Variants in BIN3 observed in about 807,000 individuals in gnomAD.
The protein encoded by BIN3 is bridging integrator 3.
In BIN3, 41 loss-of-function variants were observed where a neutral mutation model predicts 38.2. The ratio of observed to expected loss-of-function variants is 1.07; its 90% confidence interval spans 0.84 to 1.39. The LOEUF is 1.39. Among genes scored for constraint, BIN3 ranks in the 40% most tolerant of loss-of-function variants. The pLI is 0.00. For missense variants in BIN3, 361 were observed against 324.3 expected (o/e 1.11, Z -0.87); for synonymous variants, 145 against 122.6 (o/e 1.18, Z -1.21).
Position 22,621,287 on chromosome 8 carries a change from A to T in BIN3, c.*135T>A. ...CCTGGTGCCAGGCTCAGGAAGAGTC[A>T]TTCATTGCAAAGGGCCGGCAAGTGA... On this transcript the variant is annotated 3_prime_UTR_variant, in exon 9 of 9. Coordinates refer to ENST00000276416, the MANE Select transcript of BIN3 (RefSeq NM_018688.6). 8.3e-7 allele frequency: 1 copy of T among 1,208,840 alleles called. No individual in the cohort carries two copies. The highest frequency in any genetic ancestry group is 1.1e-6 in the Non-Finnish European group (1 of 885,138). The allele number at this position is 1,208,840 out of a possible 1,614,324, so 74.9% of individuals were successfully genotyped here. A position where few individuals can be genotyped will look rare whatever the true frequency, so the allele number is the denominator to read the frequency against.
At chr8:22,655,192 G>T (rs1015318688) in intron 1 of BIN3, among the ~76,000 whole-genome samples, 3 of 152,100 alleles carry the variant, frequency 2.0e-5, no homozygotes, top group Admixed American at 6.5e-5. Context: ...CTGGGTATTA[G>T]CCCATAATCA....
intron 2 of BIN3, among the ~76,000 whole-genome samples, chr8:22,641,100 C>T (rs551758081): frequency 1.3e-5 from 2 of 152,342 alleles, no homozygotes; most frequent in East Asian, 3.9e-4. Flanking sequence ...ACACTGGAGC[C>T]TCATTCCGAG....
At chr8:22,655,473 C>G (rs1246775690) in intron 1 of BIN3, among the ~76,000 whole-genome samples, 1 of 152,176 alleles carries the variant, frequency 6.6e-6, no homozygotes, top group African/African-American at 2.4e-5. Flanking sequence ...AGGTAGGGGT[C>G]CAACTTCATT....
At chr8:22,631,751 C>T (rs1344395272) in intron 4 of BIN3, among the ~76,000 whole-genome samples, 1 of 152,172 alleles carries the variant, frequency 6.6e-6, no homozygotes, top group Non-Finnish European at 1.5e-5. Flanking sequence ...GCCGCCCACC[C>T]CTCTGTGCTC....
chr8:22,641,614 T>A (rs1802564535), intron 2 of BIN3, among the ~76,000 whole-genome samples: 1 of 152,166 alleles, frequency 6.6e-6, no homozygotes, highest in Non-Finnish European at 1.5e-5. Context: ...CCTGTAGGTA[T>A]GTTCTAGCAG....
chr8:22,622,897 G>A (rs961860264), intron 8 of BIN3, among the ~76,000 whole-genome samples: 3 of 152,240 alleles, frequency 2.0e-5, no homozygotes, highest in South Asian at 4.1e-4. Context: ...GACCAAGTAC[G>A]TGGGTCACTG....
intron 1 of BIN3, among the ~76,000 whole-genome samples, chr8:22,666,597 C>A (rs1416998924): frequency 6.6e-6 from 1 of 151,998 alleles, no homozygotes; most frequent in Non-Finnish European, 1.5e-5. Flanking sequence ...AGGAAGGCAG[C>A]AGGTACCCAC....
chr8:22,626,261 G>A (rs1802000666), intron 6 of BIN3: 1 of 152,362 alleles, frequency 6.6e-6, no homozygotes, highest in Non-Finnish European at 1.5e-5. Flanking sequence ...CTACGGAACT[G>A]AGGGTGGGAA....
In BIN3 at chr8:22,620,780, T is replaced by C. The variant is rs1490958966; in HGVS notation, c.*642A>G. The C allele has an allele frequency of 1.3e-5, 2 of 152,274 alleles. No homozygotes were observed. Among genetic ancestry groups the C allele is most frequent in the African/African-American group, 4.8e-5 (2 of 41,466 alleles). 9.4% of individuals were successfully genotyped at this position (152,274 alleles called of 1,614,324 possible). On this transcript the variant is annotated 3_prime_UTR_variant, in exon 9 of 9. Coordinates refer to ENST00000276416, the MANE Select transcript of BIN3 (RefSeq NM_018688.6). ...ATACTCAGGTGAGACACAAACCCAC[T>C]GTTCCTGCTTTGAGACCTGTGAATT... is the stretch of plus-strand genomic sequence containing the variant.
chr8:22,651,731 TATAGGA>T (rs898714617), intron 1 of BIN3, among the ~76,000 whole-genome samples: 1 of 152,182 alleles, frequency 6.6e-6, no homozygotes, highest in African/African-American at 2.4e-5. Context: ...TACACAATCT[TATAGGA>T]ATATATGTTT....
At chr8:22,632,622 C>T (rs1802242090) in intron 4 of BIN3, among the ~76,000 whole-genome samples, 1 of 151,598 alleles carries the variant, frequency 6.6e-6, no homozygotes, top group Non-Finnish European at 1.5e-5. Flanking sequence ...TTCTGAAAAA[C>T]ATCTTCTGCT....
chr8:22,638,454 G>A (rs1192164289), intron 2 of BIN3, among the ~76,000 whole-genome samples: 1 of 152,190 alleles, frequency 6.6e-6, no homozygotes, highest in African/African-American at 2.4e-5. Context: ...CTACGAACAT[G>A]TATGAGCACC....
intron 6 of BIN3, among the ~76,000 whole-genome samples, chr8:22,627,006 T>C (rs888778495): frequency 1.3e-5 from 2 of 152,130 alleles, no homozygotes; most frequent in African/African-American, 4.8e-5. Context: ...CCTGGCTGCA[T>C]GGGCTCCTGC....
intron 4 of BIN3, among the ~76,000 whole-genome samples, chr8:22,631,585 G>A (rs1563952191): frequency 6.6e-6 from 1 of 152,188 alleles, no homozygotes; most frequent in Non-Finnish European, 1.5e-5. Flanking sequence ...GCGCCAGCCG[G>A]GCCCTGACCC....
chr8:22,653,022 T>TG (rs1356015106), intron 1 of BIN3, among the ~76,000 whole-genome samples: 1 of 152,232 alleles, frequency 6.6e-6, no homozygotes, highest in East Asian at 1.9e-4. Context: ...TTAGGATTGT[T>TG]GTAAAATTTA....
intron 2 of BIN3, among the ~76,000 whole-genome samples, chr8:22,641,176 T>C (rs935572968): frequency 1.2e-4 from 19 of 152,152 alleles, no homozygotes; most frequent in East Asian, 1.9e-4. Flanking sequence ...AAAAAGGCAA[T>C]TGGACCCCAG....
intron 1 of BIN3, among the ~76,000 whole-genome samples, chr8:22,668,602 C>T (rs1803504691): frequency 6.6e-6 from 1 of 152,174 alleles, no homozygotes; most frequent in Non-Finnish European, 1.5e-5. Context: ...GATAGTTACC[C>T]AGAAGGGAGT....
chr8:22,659,611 C>T (rs1468400683), intron 1 of BIN3, among the ~76,000 whole-genome samples: 1 of 152,162 alleles, frequency 6.6e-6, no homozygotes, highest in Admixed American at 6.5e-5. Context: ...CTGATACATC[C>T]GTTTATTTGA....
intron 1 of BIN3, among the ~76,000 whole-genome samples, chr8:22,657,191 T>C (rs1803083181): frequency 6.6e-6 from 1 of 152,236 alleles, no homozygotes; most frequent in Admixed American, 6.5e-5. Flanking sequence ...GGATGAATAA[T>C]TAAATGAATG....
Sources: allele counts gnomAD v4.1 joint callset (sites outside exome capture counted in the v4.1 genomes callset), GRCh38; gene constraint gnomAD v4.1.1; transcripts MANE v1.5; gene names NCBI Gene and HGNC (gene_info 2026-07-23, HGNC 2026-07-21).